NAV1: variants seen among roughly 807,000 people sequenced by gnomAD.
NAV1 encodes neuron navigator 1, also known as pore membrane and/or filament interacting like protein 3.
In NAV1, 18 loss-of-function variants were observed where a neutral mutation model predicts 175.2. The ratio of observed to expected loss-of-function variants is 0.10; its 90% CI spans 0.07 to 0.15. NAV1 has a LOEUF of 0.15. Among genes scored for constraint, NAV1 ranks in the 10% least tolerant of loss-of-function variants. The pLI is 1.00. For missense variants in NAV1, 1,731 were observed against 2,436.6 expected (o/e 0.71, Z 6.10); for synonymous variants, 897 against 978.7 (o/e 0.92, Z 1.56).
chr1:201,665,439 G>C (rs907077803), intron 1 of NAV1, among the ~76,000 whole-genome samples: 14 of 152,216 alleles, frequency 9.2e-5, no homozygotes, highest in African/African-American at 3.4e-4. Flanking sequence ...CATGGAGATG[G>C]GGTGAGGCCT....
At chr1:201,619,207 C>G (rs562132199), upstream of NAV1, among the ~76,000 whole-genome samples, 1 of 152,354 alleles carries the variant, frequency 6.6e-6, no homozygotes, top group South Asian at 2.1e-4. Context: ...TGCGTCTGCT[C>G]CATTAGCAAG....
chr1:201,784,959 G>A (rs992449607), intron 7 of NAV1, among the ~76,000 whole-genome samples: 26 of 152,008 alleles, frequency 1.7e-4, no homozygotes, highest in African/African-American at 5.6e-4. Flanking sequence ...TAGTAGAGAC[G>A]AGGTTTCACC....
upstream of NAV1, among the ~76,000 whole-genome samples, chr1:201,622,379 A>G (rs578121523): frequency 2.1e-4 from 32 of 152,278 alleles, no homozygotes; most frequent in South Asian, 6.2e-4. Context: ...AGAGTGTCCT[A>G]TGAAGAGAGC....
chr1:201,812,780 T>C lies in NAV1; in HGVS notation c.5221+119T>C. On this transcript the variant is annotated intron_variant, in intron 27 of 29. Coordinates refer to ENST00000367296, the Ensembl canonical transcript of NAV1. The surrounding 1 kb of genome is among the most constrained non-coding windows in gnomAD (Gnocchi z 4.6). Reference sequence around the variant, plus strand: ...TCGGCATGTAAAGGAGCTGCAAGCCTTGTGGCTTCAGACTTAGAACCACTT... The same window carrying C: ...TCGGCATGTAAAGGAGCTGCAAGCCCTGTGGCTTCAGACTTAGAACCACTT... 1 of 927,054 alleles carries C rather than the reference T, an allele frequency of 1.1e-6. No individual in the cohort carries two copies. The highest frequency in any genetic ancestry group is 1.7e-6 in the Non-Finnish European group (1 of 605,568). 57.4% of individuals were successfully genotyped at this position (927,054 alleles called of 1,614,324 possible).
Position 201,702,363 on chromosome 1 carries a change from GT to G in NAV1, c.758-10446del, listed in dbSNP as rs976467828. On this transcript the variant is annotated intron_variant, in intron 1 of 29. Transcript: ENST00000367296. ...AACAATTGAACTGTACATTTTATTTGTTTTTTTTATTATTATTTTTGAGATG... is the reference window on the plus strand; with the variant it reads ...AACAATTGAACTGTACATTTTATTTGTTTTTTTATTATTATTTTTGAGATG... 2.4e-4 allele frequency among the ~76,000 whole-genome samples: 36 copies of G among 151,844 alleles called. 1 individual carries two copies. The highest frequency in any genetic ancestry group is 3.2e-3 in the Middle Eastern group (1 of 316).
At chr1:201,677,189 T>C (rs1319610609) in intron 1 of NAV1, among the ~76,000 whole-genome samples, 1 of 146,152 alleles carries the variant, frequency 6.8e-6, no homozygotes, top group Admixed American at 7.1e-5. Context: ...TGGGTGGAGG[T>C]TGCAGGAGCC....
chr1:201,695,640 T>G (rs1671159198), intron 1 of NAV1, among the ~76,000 whole-genome samples: 1 of 152,260 alleles, frequency 6.6e-6, no homozygotes, highest in Admixed American at 6.5e-5. Flanking sequence ...GCCTGGTGAC[T>G]GCAGCATGGT....
At chr1:201,629,305 A>G in intron 1 of NAV1, 99 bp from the exon 4 acceptor site, 1 of 803,560 alleles carries the variant, frequency 1.2e-6, no homozygotes, top group South Asian at 1.6e-5. Context: ...CTATCAGAGA[A>G]GAAGAACCAA....
intron 2 of NAV1, among the ~76,000 whole-genome samples, chr1:201,609,434 C>T (rs572126721): frequency 2.0e-5 from 3 of 152,310 alleles, no homozygotes; most frequent in Admixed American, 6.5e-5. Flanking sequence ...AGGAACAGTC[C>T]GTAATCCCCA....
chr1:201,807,991 G>A lies in NAV1; in HGVS notation c.3687G>A (p.Lys1229=). Reference sequence around the variant, plus strand: ...TCAACAAAGCGTTCAGTATAAAAAAGGGGCCCAAGTCAGCTTCCTCATACT... The same window carrying A: ...TCAACAAAGCGTTCAGTATAAAAAAAGGGCCCAAGTCAGCTTCCTCATACT... Residue 1229 remains lysine, a synonymous_variant, in exon 18 of 30, where the codon AAG becomes AAA. Transcript: ENST00000367296. This position sits in a 1 kb window ranked among gnomAD's most constrained non-coding sequence, Gnocchi z 5.4. 1 of 1,614,150 alleles carries A rather than the reference G, an allele frequency of 6.2e-7. No homozygotes were observed. The highest frequency in any genetic ancestry group is 8.5e-7 in the Non-Finnish European group (1 of 1,180,034).
chr1:201,546,561 G>C (rs1302460434), intron 1 of NAV1, among the ~76,000 whole-genome samples: 1 of 152,186 alleles, frequency 6.6e-6, no homozygotes, highest in Non-Finnish European at 1.5e-5. Flanking sequence ...CATTTTGCTA[G>C]ATTGCTCTGT....
At chr1:201,761,667 A>G (rs980937504) in intron 3 of NAV1, among the ~76,000 whole-genome samples, 15 of 152,238 alleles carry the variant, frequency 9.9e-5, no homozygotes, top group Non-Finnish European at 2.2e-4. Context: ...CAACCTGTGT[A>G]GAAGAATTTG....
At chr1:201,551,015 G>A (rs191293899) in intron 1 of NAV1, among the ~76,000 whole-genome samples, 12 of 152,244 alleles carry the variant, frequency 7.9e-5, no homozygotes, top group Admixed American at 3.9e-4. Flanking sequence ...CCATCCTCTC[G>A]TTTACTCTTC....
intron 3 of NAV1, among the ~76,000 whole-genome samples, chr1:201,779,598 C>A (rs1343240918): frequency 1.7e-3 from 119 of 69,042 alleles, no homozygotes; most frequent in African/African-American, 7.2e-3. Flanking sequence ...GACTCCGTCT[C>A]AAAAAAAAAA....
intron 2 of NAV1, among the ~76,000 whole-genome samples, chr1:201,639,675 A>G (rs1289827499): frequency 1.3e-5 from 2 of 151,974 alleles, no homozygotes; most frequent in Non-Finnish European, 2.9e-5. Flanking sequence ...CTCCCCTCCC[A>G]CGTCTGGAAC....
In NAV1 at chr1:201,714,319, G is replaced by A. The variant is rs562732693; in HGVS notation, c.860+1400G>A. Among the ~76,000 whole-genome samples the A allele has an allele frequency of 8.5e-5, 13 of 152,308 alleles. No individual in the cohort carries two copies. In the East Asian group the frequency reaches 2.1e-3, roughly 25 times the overall value. On this transcript the variant is annotated intron_variant, in intron 2 of 29. Coordinates refer to ENST00000367296, the Ensembl canonical transcript of NAV1. The stretch of plus-strand genomic sequence containing the variant: ...TCAGCCGTTGGCTGTAGTTCTTCCT[G>A]CTTAGATGACCCTTCTCCTTCTCCT...
At chr1:201,606,087 T>A (rs1379287797) in intron 2 of NAV1, among the ~76,000 whole-genome samples, 1 of 152,184 alleles carries the variant, frequency 6.6e-6, no homozygotes, top group Non-Finnish European at 1.5e-5. Context: ...CTGACATATA[T>A]TCACCACATG....
chr1:201,594,303 G>C (rs1341090263), intron 2 of NAV1, among the ~76,000 whole-genome samples: 1 of 152,160 alleles, frequency 6.6e-6, no homozygotes, highest in African/African-American at 2.4e-5. Flanking sequence ...TAGCCTCTTG[G>C]TCAAGGCAGG....
At chr1:201,675,255 G>A (rs563493238) in intron 1 of NAV1, among the ~76,000 whole-genome samples, 45 of 152,256 alleles carry the variant, frequency 3.0e-4, no homozygotes, top group African/African-American at 9.1e-4. Context: ...ATGCTTGACA[G>A]TATCTTTCAG....
Sources: allele counts gnomAD v4.1 joint callset (sites outside exome capture counted in the v4.1 genomes callset), GRCh38; gene constraint gnomAD v4.1.1; non-coding constraint Gnocchi (gnomAD v3.1); transcripts MANE v1.5; gene names NCBI Gene and HGNC (gene_info 2026-07-23, HGNC 2026-07-21).